Variants in CLCC1 observed in about 807,000 individuals in gnomAD.
CLCC1 encodes chloride channel CLIC-like protein 1.
Under a neutral mutation model 63.3 loss-of-function variants are expected in CLCC1, and 39 were observed. The ratio of observed to expected loss-of-function variants is 0.62; its 90% CI spans 0.48 to 0.81. The LOEUF (loss-of-function observed/expected upper bound fraction) is 0.81. Ranked by LOEUF, CLCC1 falls within the 30% of genes least tolerant of loss-of-function variation. The pLI, the probability that CLCC1 is intolerant of heterozygous loss-of-function variation, is 0.00. For missense variants in CLCC1, 549 were observed against 669.4 expected, an observed-to-expected ratio of 0.82 and a Z score of 1.98; for synonymous variants, 217 against 239.8, an observed-to-expected ratio of 0.90 and a Z score of 0.88.
At chr1:108,936,622 A>G (rs1653049177) in intron 11 of CLCC1, among the ~76,000 whole-genome samples, 1 of 152,236 alleles carries the variant, frequency 6.6e-6, no homozygotes, top group African/African-American at 2.4e-5. Flanking sequence ...ACAGGTAAAA[A>G]GTATAGTCTA....
At position 108,930,485 on chromosome 1, in the gene CLCC1, T is replaced by C. The variant is rs1218470086; in HGVS notation, c.*2062A>G. On this transcript the variant is annotated 3_prime_UTR_variant, in exon 13 of 13. Transcript: ENST00000369969. The stretch of plus-strand genomic sequence containing the variant: ...GAAACTCTACTTCTTGGGCTGGGCA[T>C]GGTGGCTCATTCCTGTAATCCCAGC... 1 of 153,524 alleles carries C rather than the reference T, an allele frequency of 6.5e-6. No individual in the cohort carries two copies. Among genetic ancestry groups the C allele is most frequent in the Non-Finnish European group, 1.4e-5 (1 of 69,108 alleles). 9.5% of individuals were successfully genotyped at this position (153,524 alleles called of 1,614,324 possible). A position where few individuals can be genotyped will look rare whatever the true frequency, so the allele number is the denominator to read the frequency against.
intron 7 of CLCC1, among the ~76,000 whole-genome samples, chr1:108,941,974 G>A (rs1192754514): frequency 6.6e-6 from 1 of 152,118 alleles, no homozygotes; most frequent in East Asian, 1.9e-4. Context: ...CCAGTTCATG[G>A]AAAAGTACAG....
At chr1:108,961,214 T>A (rs1427821738) in intron 2 of CLCC1, among the ~76,000 whole-genome samples, 1 of 145,838 alleles carries the variant, frequency 6.9e-6, no homozygotes, top group African/African-American at 2.5e-5. Flanking sequence ...TGGAACTCCT[T>A]GAGAAATCCT....
At chr1:108,963,091 T>C (rs1656878221) in intron 1 of CLCC1, among the ~76,000 whole-genome samples, 1 of 152,226 alleles carries the variant, frequency 6.6e-6, no homozygotes, top group Non-Finnish European at 1.5e-5. Flanking sequence ...GCCCTCGCTG[T>C]GCCTTCTCCG....
intron 2 of CLCC1, among the ~76,000 whole-genome samples, chr1:108,957,894 G>C (rs1046934805): frequency 1.3e-5 from 2 of 151,326 alleles, no homozygotes; most frequent in Non-Finnish European, 2.9e-5. Context: ...TTTATTATGA[G>C]GACAAAAGAC....
intron 5 of CLCC1, among the ~76,000 whole-genome samples, chr1:108,944,395 C>T (rs1026824595): frequency 1.4e-4 from 21 of 151,990 alleles, no homozygotes; most frequent in African/African-American, 4.8e-4. Context: ...GTCTGTGCCC[C>T]GGATTCGAGG....
Position 108,931,616 on chromosome 1 carries a change from T to C in CLCC1, c.*931A>G. 1.6e-6 allele frequency: 2 copies of C among 1,218,424 alleles called. No individual in the cohort carries two copies. The highest frequency in any genetic ancestry group is 2.7e-5 in the East Asian group (1 of 36,468). 75.5% of individuals were successfully genotyped at this position (1,218,424 alleles called of 1,614,324 possible). A position where few individuals can be genotyped will look rare whatever the true frequency, so the allele number is the denominator to read the frequency against. ...AGTCATAACCTGGAATTAATTACAT[T>C]AAGTGCTCAGCTAAAAAAAAAAAAA... On this transcript the variant is annotated 3_prime_UTR_variant, in exon 13 of 13. Transcript: ENST00000369969.
intron 2 of CLCC1, among the ~76,000 whole-genome samples, chr1:108,958,917 T>TA (rs1656272793): frequency 6.6e-6 from 1 of 151,258 alleles, no homozygotes; most frequent in African/African-American, 2.5e-5. Flanking sequence ...CTCATGCCTA[T>TA]AATCCCAGCA....
Position 108,931,348 on chromosome 1 carries a change from G to GTAAC in CLCC1, c.*1195_*1198dup, listed in dbSNP as rs139385729. 218 of 1,550,852 alleles carry GTAAC rather than the reference G, an allele frequency of 1.4e-4. 1 individual carries two copies. The highest frequency in any genetic ancestry group is 7.9e-4 in the South Asian group (66 of 84,006). On this transcript the variant is annotated 3_prime_UTR_variant, in exon 13 of 13. Coordinates refer to ENST00000369969, the MANE Select transcript of CLCC1 (RefSeq NM_001377458.1). ...CAGTTTACAAGGGGATGATAACAAA[G>GTAAC]TAACTAACTAACTGTAGCAAAAGAC...
intron 2 of CLCC1, among the ~76,000 whole-genome samples, chr1:108,957,274 A>C (rs1656040631): frequency 6.6e-6 from 1 of 151,588 alleles, no homozygotes; most frequent in South Asian, 2.1e-4. Context: ...CTCTCTGTGA[A>C]GTATGGCCAC....
Position 108,960,929 on chromosome 1 carries a change from C to T in CLCC1, c.-12+1380G>A. Among the ~76,000 whole-genome samples, 2 of 152,014 alleles carry T rather than the reference C, an allele frequency of 1.3e-5. 1 individual carries two copies. The highest frequency in any genetic ancestry group is 2.9e-5 in the Non-Finnish European group (2 of 68,008). On this transcript the variant is annotated intron_variant, in intron 2 of 12. Coordinates refer to ENST00000369969, the MANE Select transcript of CLCC1 (RefSeq NM_001377458.1). Reference sequence around the variant, plus strand: ...TCCCGAACTCCTGAGCTCAAAGGATCCCCCTGCCCGCCGCCTTGTCTTCCC... The same window carrying T: ...TCCCGAACTCCTGAGCTCAAAGGATTCCCCTGCCCGCCGCCTTGTCTTCCC...
rs1453521947 is a variant in CLCC1 at position 108,944,073 on chromosome 1, C to CA, written c.340-17dup. On this transcript the variant is annotated splice_polypyrimidine_tract_variant and intron_variant, in intron 5 of 12. Coordinates refer to ENST00000369969, the MANE Select transcript of CLCC1 (RefSeq NM_001377458.1). ...TTTCATCAGGCTAAATTAAATTTAC[C>CA]AAAAAACAAACAATAGAAAGAGAAT... The CA allele has an allele frequency of 1.3e-6, 2 of 1,531,294 alleles. No homozygotes were observed. The allele number at this position is 1,531,294 out of a possible 1,614,324, so 94.9% of individuals were successfully genotyped here. A position where few individuals can be genotyped will look rare whatever the true frequency, so the allele number is the denominator to read the frequency against.
At chr1:108,949,094 A>G (rs1002427669) in intron 4 of CLCC1, among the ~76,000 whole-genome samples, 2 of 152,054 alleles carry the variant, frequency 1.3e-5, no homozygotes, top group Non-Finnish European at 1.5e-5. Flanking sequence ...TGCCTATTCT[A>G]CCTCATAAAA....
intron 5 of CLCC1, among the ~76,000 whole-genome samples, chr1:108,945,294 G>A (rs964934691): frequency 2.0e-5 from 3 of 151,906 alleles, no homozygotes; most frequent in Non-Finnish European, 1.5e-5. Context: ...TTTAAACAAC[G>A]AAATGATGCT....
At chr1:108,950,524 A>C in intron 2 of CLCC1, 76 bp from the exon 3 acceptor site, 1 of 815,058 alleles carries the variant, frequency 1.2e-6, no homozygotes, top group Non-Finnish European at 1.7e-6. Context: ...TATTATTATT[A>C]TTATTATTAT....
At chr1:108,938,937 G>A (rs570347110) in intron 10 of CLCC1, among the ~76,000 whole-genome samples, 9 of 152,024 alleles carry the variant, frequency 5.9e-5, no homozygotes, top group Non-Finnish European at 1.0e-4. Context: ...ATACAAGTAA[G>A]TATAATATGT....
chr1:108,929,532 G>A lies in CLCC1; in HGVS notation c.*3015C>T. ...TCAGGTTTAAAGATTATTTCTTTCA[G>A]AAATCAGGCTGGGAACTAAAGAGAA... On this transcript the variant is annotated 3_prime_UTR_variant, in exon 13 of 13. Transcript: ENST00000369969. 1 of 660,248 alleles carries A rather than the reference G, an allele frequency of 1.5e-6. No homozygotes were observed. The highest frequency in any genetic ancestry group is 2.7e-5 in the East Asian group (1 of 36,662). 40.9% of individuals were successfully genotyped at this position (660,248 alleles called of 1,614,324 possible).
Position 108,930,088 on chromosome 1 carries a change from G to T in CLCC1, c.*2459C>A. 5 of 750,862 alleles carry T rather than the reference G, an allele frequency of 6.7e-6. No homozygotes were observed. The highest frequency in any genetic ancestry group is 1.1e-5 in the Non-Finnish European group (5 of 465,180). 46.5% of individuals were successfully genotyped at this position (750,862 alleles called of 1,614,324 possible). On this transcript the variant is annotated 3_prime_UTR_variant, in exon 13 of 13. Coordinates refer to ENST00000369969, the MANE Select transcript of CLCC1 (RefSeq NM_001377458.1). ...TAGTTAACCTTCAGTAGTCTATTAA[G>T]GCATTAATACTTCTCTGGACATGCG...
At chr1:108,952,343 T>C (rs1166881503) in intron 2 of CLCC1, among the ~76,000 whole-genome samples, 1 of 152,068 alleles carries the variant, frequency 6.6e-6, no homozygotes, top group African/African-American at 2.4e-5. Flanking sequence ...CATACTTGGC[T>C]AATTTTGTAT....
Sources: allele counts gnomAD v4.1 joint callset (sites outside exome capture counted in the v4.1 genomes callset), GRCh38; gene constraint gnomAD v4.1.1; transcripts MANE v1.5; gene names NCBI Gene and HGNC (gene_info 2026-07-23, HGNC 2026-07-21).